Variants in ARHGAP6 observed in about 807,000 individuals in gnomAD.
ARHGAP6 encodes the protein Rho GTPase activating protein 6.
In ARHGAP6, 16 loss-of-function variants were observed where a neutral mutation model predicts 55.7. The ratio of observed to expected loss-of-function variants is 0.29; its 90% CI spans 0.19 to 0.44. ARHGAP6 has a LOEUF of 0.44. Ranked by LOEUF, ARHGAP6 falls within the 20% of genes least tolerant of loss-of-function variation. The pLI is 1.00. For missense variants in ARHGAP6, 698 were observed against 808.9 expected (o/e 0.86, Z 1.66); for synonymous variants, 382 against 360.9 (o/e 1.06, Z -0.66).
At chrX:11,652,598 G>C (rs1280799591) in intron 1 of ARHGAP6, among the ~76,000 whole-genome samples, 1 of 112,141 alleles carries the variant, frequency 8.9e-6, no homozygotes, top group Non-Finnish European at 1.9e-5. Context: ...AGCAAGCTAG[G>C]CCAACCCGTA....
At chrX:11,516,935 A>C (rs184244448) in intron 1 of ARHGAP6, among the ~76,000 whole-genome samples, 140 of 111,366 alleles carry the variant, frequency 1.3e-3, no homozygotes, top group African/African-American at 4.1e-3. Context: ...GCCCCTATTC[A>C]CTTTCACAGC....
chrX:11,302,937 T>C (rs960113564), intron 1 of ARHGAP6, among the ~76,000 whole-genome samples: 3 of 112,271 alleles, frequency 2.7e-5, no homozygotes, highest in African/African-American at 9.7e-5. Flanking sequence ...AAATCCGAAG[T>C]TTTTCCTTTG....
intron 1 of ARHGAP6, among the ~76,000 whole-genome samples, chrX:11,396,026 T>C (rs2049473095): frequency 9.0e-6 from 1 of 111,566 alleles, no homozygotes; most frequent in South Asian, 3.7e-4. Context: ...TGGTTTAACC[T>C]ATGAATCACC....
At chrX:11,452,430 G>A (rs1025335682) in intron 1 of ARHGAP6, among the ~76,000 whole-genome samples, 4 of 111,995 alleles carry the variant, frequency 3.6e-5, no homozygotes, top group African/African-American at 1.3e-4. Context: ...TTACAGGCAT[G>A]AGCCACCGCA....
intron 1 of ARHGAP6, among the ~76,000 whole-genome samples, chrX:11,522,312 C>T (rs1272904951): frequency 9.0e-6 from 1 of 110,774 alleles, no homozygotes; most frequent in Non-Finnish European, 1.9e-5. Flanking sequence ...ACCCTAACGT[C>T]ACAATTAAAA....
intron 1 of ARHGAP6, among the ~76,000 whole-genome samples, chrX:11,368,995 A>C (rs929779372): frequency 2.7e-5 from 3 of 111,441 alleles, no homozygotes; most frequent in Non-Finnish European, 5.7e-5. Context: ...GTTCATGCCT[A>C]ATGTGCCAGG....
At chrX:11,330,747 G>A (rs1227485590) in intron 1 of ARHGAP6, among the ~76,000 whole-genome samples, 2 of 111,758 alleles carry the variant, frequency 1.8e-5, no homozygotes, top group African/African-American at 3.3e-5. Context: ...GTAAGAAGGT[G>A]GCAGAGTCAA....
intron 1 of ARHGAP6, among the ~76,000 whole-genome samples, chrX:11,364,201 T>TGAGGGTG (rs1375526439): frequency 2.7e-5 from 3 of 110,214 alleles, no homozygotes; most frequent in African/African-American, 9.9e-5. Flanking sequence ...AGGGCCTACT[T>TGAGGGTG]GAGGGTGGAG....
At chrX:11,490,234 G>A (rs2050553967) in intron 1 of ARHGAP6, among the ~76,000 whole-genome samples, 2 of 111,448 alleles carry the variant, frequency 1.8e-5, no homozygotes, top group African/African-American at 6.5e-5. Flanking sequence ...GCTGGGCTAA[G>A]AGACTCTCCC....
intron 1 of ARHGAP6, among the ~76,000 whole-genome samples, chrX:11,615,498 G>A (rs965572602): frequency 9.0e-6 from 1 of 111,491 alleles, no homozygotes; most frequent in African/African-American, 3.3e-5. Context: ...CCCTATCAGA[G>A]CTGAGAAGGC....
chrX:11,517,401 G>A (rs1268371121), intron 1 of ARHGAP6, among the ~76,000 whole-genome samples: 1 of 111,454 alleles, frequency 9.0e-6, no homozygotes, highest in Non-Finnish European at 1.9e-5. Flanking sequence ...GGATGCGAGG[G>A]TAGGTGAGGA....
At chrX:11,500,663 C>CAAAAA (rs995574477) in intron 1 of ARHGAP6, among the ~76,000 whole-genome samples, 1,079 of 33,398 alleles carry the variant, frequency 0.032, 22 homozygotes, top group East Asian at 0.099. Context: ...CAGACTCTGT[C>CAAAAA]AAAAAAAAAA....
intron 1 of ARHGAP6, among the ~76,000 whole-genome samples, chrX:11,352,129 C>T: frequency 8.9e-6 from 1 of 112,531 alleles, no homozygotes; most frequent in Non-Finnish European, 1.9e-5. Flanking sequence ...CTTAATAGTC[C>T]TCTTGAATAA....
At chrX:11,610,039 C>A (rs2052083716) in intron 1 of ARHGAP6, among the ~76,000 whole-genome samples, 1 of 109,654 alleles carries the variant, frequency 9.1e-6, no homozygotes, top group Admixed American at 9.7e-5. Flanking sequence ...AAGATAAACC[C>A]AGCCTGTGTC....
intron 1 of ARHGAP6, among the ~76,000 whole-genome samples, chrX:11,396,210 C>T (rs1282951646): frequency 9.1e-6 from 1 of 110,213 alleles, no homozygotes; most frequent in African/African-American, 3.3e-5. Flanking sequence ...TTCAAAAGAC[C>T]TCTCTCACCC....
chrX:11,636,693 G>A (rs1381593055), intron 1 of ARHGAP6, among the ~76,000 whole-genome samples: 1 of 111,724 alleles, frequency 9.0e-6, no homozygotes, highest in Non-Finnish European at 1.9e-5. Flanking sequence ...TAAATGATTT[G>A]CTTGTTTAAA....
chrX:11,298,369 C>G, intron 1 of ARHGAP6: 1 of 1,105,832 alleles, frequency 9.0e-7, no homozygotes, highest in Non-Finnish European at 1.2e-6. Context: ...ACTCCACATG[C>G]AGACATTAAT....
chrX:11,428,086 C>A (rs2147785944), intron 1 of ARHGAP6, among the ~76,000 whole-genome samples: 1 of 112,666 alleles, frequency 8.9e-6, no homozygotes, highest in Admixed American at 9.2e-5. Flanking sequence ...CCTTTAATGC[C>A]AGCGAGAAGG....
intron 9 of ARHGAP6, among the ~76,000 whole-genome samples, chrX:11,160,291 T>C (rs892979265): frequency 1.0e-5 from 1 of 96,833 alleles, no homozygotes; most frequent in Non-Finnish European, 2.1e-5. Context: ...CTACTAAAAA[T>C]ACAAAAAAAA....
Sources: gnomAD v4.1 joint callset for allele counts (sites outside exome capture counted in the v4.1 genomes callset) on GRCh38, gnomAD v4.1.1 for gene constraint, MANE v1.5 for transcripts, NCBI Gene and HGNC (gene_info 2026-07-23, HGNC 2026-07-21) for gene names.